The following CNKSR3 variants were observed in gnomAD, a reference collection of about 807,000 sequenced individuals.
The protein encoded by CNKSR3 is connector enhancer of kinase suppressor of ras 3.
In CNKSR3, 36 loss-of-function variants were observed where a neutral mutation model predicts 67.7. The ratio of observed to expected loss-of-function variants is 0.53; its 90% CI spans 0.41 to 0.70. CNKSR3 has a LOEUF of 0.70. Ranked by LOEUF, CNKSR3 falls within the 30% of genes least tolerant of loss-of-function variation. The pLI is 0.00. For missense variants in CNKSR3, 630 were observed against 695.2 expected, an observed-to-expected ratio of 0.91 and a Z score of 1.05; for synonymous variants, 281 against 271.4, an observed-to-expected ratio of 1.04 and a Z score of -0.35.
Position 154,440,656 on chromosome 6 carries a change from G to A in CNKSR3, c.507+636C>T, listed in dbSNP as rs187474991. Among the ~76,000 whole-genome samples the A allele has an allele frequency of 3.3e-5, 5 of 152,342 alleles. No individual in the cohort carries two copies. In the East Asian group the frequency reaches 7.7e-4, roughly 23 times the overall value. On this transcript the variant is annotated intron_variant, in intron 4 of 12. Coordinates refer to ENST00000607772, the MANE Select transcript of CNKSR3 (RefSeq NM_173515.4). ...CACTTGCAGTCCAGAACATCAGTCA[G>A]TGTGAGGACCTTCATGGTTTTTACC...
intron 1 of CNKSR3, among the ~76,000 whole-genome samples, chr6:154,469,566 G>T (rs961028298): frequency 6.6e-6 from 1 of 152,128 alleles, no homozygotes; most frequent in African/African-American, 2.4e-5. Flanking sequence ...CATTGGCAAC[G>T]CTAGACAACA....
chr6:154,406,854 C>T (rs758145561), intron 12 of CNKSR3, among the ~76,000 whole-genome samples: 76 of 151,882 alleles, frequency 5.0e-4, no homozygotes, highest in Admixed American at 1.5e-3. Context: ...GTAGTCCCAG[C>T]TACTCAGAGA....
At chr6:154,464,339 C>G (rs1220045356) in intron 1 of CNKSR3, among the ~76,000 whole-genome samples, 3 of 151,894 alleles carry the variant, frequency 2.0e-5, no homozygotes, top group Admixed American at 6.5e-5. Flanking sequence ...CTGAGGTTCT[C>G]AAAAGGAAAA....
At chr6:154,465,044 G>A (rs1210632425) in intron 1 of CNKSR3, among the ~76,000 whole-genome samples, 1 of 151,108 alleles carries the variant, frequency 6.6e-6, no homozygotes, top group African/African-American at 2.4e-5. Context: ...GGGAGGCTGA[G>A]GCAGGAAAAT....
chr6:154,406,617 G>A lies in CNKSR3; in HGVS notation c.1405C>T (p.Arg469Trp), dbSNP rs552525434. ...DALCRYFSNE[R>W]IPPIIEESSS... is the part of the protein sequence containing the mutation. ...CTCTCTTCAATGATCGGAGGAATCC[G>A]CTCGTTACTGAAATACCGGCAAAGG... The change falls in exon 13 of 13, where the codon CGG (arginine) becomes TGG (tryptophan). Residue 469 changes from arginine to tryptophan, a missense_variant. Arg to Trp is a moderately radical substitution (Grantham distance 101). This residue lies in a region of CNKSR3 where 308 missense variants were observed against 299.6 expected (regional missense o/e 1.03). Coordinates refer to ENST00000607772, the MANE Select transcript of CNKSR3 (RefSeq NM_173515.4). 1.2e-5 allele frequency: 19 copies of A among 1,613,724 alleles called. No homozygotes were observed. In the Admixed American group the frequency reaches 1.5e-4, roughly 13 times the overall value.
intron 1 of CNKSR3, among the ~76,000 whole-genome samples, chr6:154,494,926 T>C (rs935878289): frequency 6.6e-6 from 1 of 152,266 alleles, no homozygotes; most frequent in African/African-American, 2.4e-5. Context: ...AAGATGCATT[T>C]TGCATTGATC....
intron 1 of CNKSR3, among the ~76,000 whole-genome samples, chr6:154,509,222 C>T (rs751573344): frequency 9.2e-5 from 14 of 152,000 alleles, no homozygotes; most frequent in Non-Finnish European, 1.9e-4. Context: ...ACTCTAGTAC[C>T]TTTCCCTCGA....
At chr6:154,475,105 G>A (rs1786416103) in intron 1 of CNKSR3, among the ~76,000 whole-genome samples, 1 of 152,202 alleles carries the variant, frequency 6.6e-6, no homozygotes, top group African/African-American at 2.4e-5. Context: ...GGAAGCTGAT[G>A]GAGAGGGACT....
At position 154,397,874 on chromosome 6, in the gene CNKSR3, G is replaced by A. The variant is rs1303409423; in HGVS notation, c.*8480C>T. The A allele has an allele frequency of 6.6e-6, 1 of 152,294 alleles. No individual in the cohort carries two copies. The highest frequency in any genetic ancestry group is 1.5e-5 in the Non-Finnish European group (1 of 68,084). 9.4% of individuals were successfully genotyped at this position (152,294 alleles called of 1,614,324 possible). A position where few individuals can be genotyped will look rare whatever the true frequency, so the allele number is the denominator to read the frequency against. On this transcript the variant is annotated 3_prime_UTR_variant, in exon 13 of 13. Coordinates refer to ENST00000607772, the MANE Select transcript of CNKSR3 (RefSeq NM_173515.4). ...CGGCCATCACTAGGTGCACAGTGCA[G>A]TGGGGGTGTGTGAGATGCACAGGGC... is the stretch of plus-strand genomic sequence containing the variant.
chr6:154,490,585 G>A (rs747552834), intron 1 of CNKSR3, among the ~76,000 whole-genome samples: 28 of 152,280 alleles, frequency 1.8e-4, no homozygotes, highest in Admixed American at 5.2e-4. Flanking sequence ...GGAAGGCCAC[G>A]AAAAGATCTT....
In CNKSR3 at chr6:154,441,344, G is replaced by C; in HGVS notation, c.455C>G (p.Thr152Arg). 1.2e-6 allele frequency: 2 copies of C among 1,613,296 alleles called. No homozygotes were observed. Among genetic ancestry groups the C allele is most frequent in the South Asian group, 1.1e-5 (1 of 91,042 alleles). ...GCAAAGCTGGATAATTTTGTTCTTC[G>C]TGACTGAGAAATCAGTGATCCCTGT... Reference protein sequence around the residue: ...PFTGITDFSVTKNKIIQLCLD... With the variant: ...PFTGITDFSVRKNKIIQLCLD... The change falls in exon 4 of 13, where the codon ACG becomes AGG. Residue 152 changes from threonine to arginine, a missense_variant. Physicochemically the swap from Thr to Arg is moderately conservative, Grantham distance 71. This residue lies in a region of CNKSR3 where 189 missense variants were observed against 205.0 expected (regional missense o/e 0.92). Transcript: ENST00000607772.
intron 2 of CNKSR3, among the ~76,000 whole-genome samples, chr6:154,448,296 T>G (rs1348317910): frequency 6.6e-6 from 1 of 151,874 alleles, no homozygotes; most frequent in Non-Finnish European, 1.5e-5. Flanking sequence ...TCTCTTACTT[T>G]GGATTTCCAA....
At chr6:154,489,950 T>C (rs1057083440) in intron 1 of CNKSR3, among the ~76,000 whole-genome samples, 1 of 151,970 alleles carries the variant, frequency 6.6e-6, no homozygotes, top group African/African-American at 2.4e-5. Context: ...CCTCCAAACT[T>C]CCGCCGTCTG....
chr6:154,474,886 C>G (rs1786410412), intron 1 of CNKSR3, among the ~76,000 whole-genome samples: 2 of 152,208 alleles, frequency 1.3e-5, no homozygotes, highest in South Asian at 4.1e-4. Flanking sequence ...TGCCTGCTGA[C>G]TTGACAGTGG....
chr6:154,461,439 T>C (rs1786078219), intron 1 of CNKSR3, among the ~76,000 whole-genome samples: 1 of 152,248 alleles, frequency 6.6e-6, no homozygotes, highest in Admixed American at 6.5e-5. Flanking sequence ...ATTAAACAAT[T>C]GTAAAATAAG....
In CNKSR3 at chr6:154,456,953, C is replaced by T. The variant is rs79349981; in HGVS notation, c.53-6695G>A. ...CTTATTATTATCTGAACCAGAGGGA[C>T]GGAAACAGGATTTGGGGGGTACATT... On this transcript the variant is annotated intron_variant, in intron 1 of 12. Coordinates refer to ENST00000607772, the MANE Select transcript of CNKSR3 (RefSeq NM_173515.4). Among the ~76,000 whole-genome samples, 1,310 of 152,092 alleles carry T rather than the reference C, an allele frequency of 8.6e-3. 30 individuals carry two copies. Among genetic ancestry groups the T allele is most frequent in the African/African-American group, 0.03 (1,249 of 41,456 alleles).
At chr6:154,441,753 AAAC>A (rs1554233536) in intron 3 of CNKSR3, among the ~76,000 whole-genome samples, 45 of 151,634 alleles carry the variant, frequency 3.0e-4, no homozygotes, top group African/African-American at 1.0e-3. Context: ...AAACAAAACA[AAAC>A]AAAAATTGAC....
chr6:154,416,564 TATCA>T (rs929838569), intron 9 of CNKSR3, among the ~76,000 whole-genome samples: 28 of 152,322 alleles, frequency 1.8e-4, no homozygotes, highest in African/African-American at 6.3e-4. Context: ...ATTACTTCTA[TATCA>T]GTAACTCTCA....
At position 154,402,689 on chromosome 6, in the gene CNKSR3, A is replaced by G. The variant is rs1185165027; in HGVS notation, c.*3665T>C. 6.6e-6 allele frequency: 1 copy of G among 152,234 alleles called. No individual in the cohort carries two copies. The highest frequency in any genetic ancestry group is 2.4e-5 in the African/African-American group (1 of 41,470). The allele number at this position is 152,234 out of a possible 1,614,324, so 9.4% of individuals were successfully genotyped here. A position where few individuals can be genotyped will look rare whatever the true frequency, so the allele number is the denominator to read the frequency against. ...CAGCAAGCACTATATGAGTGAAGCCATTACAGACTAGGTATGCCTAGAACT... is the reference window on the plus strand; with the variant it reads ...CAGCAAGCACTATATGAGTGAAGCCGTTACAGACTAGGTATGCCTAGAACT... On this transcript the variant is annotated 3_prime_UTR_variant, in exon 13 of 13. Coordinates refer to ENST00000607772, the MANE Select transcript of CNKSR3 (RefSeq NM_173515.4).
Sources: gnomAD v4.1 joint callset for allele counts (sites outside exome capture counted in the v4.1 genomes callset) on GRCh38, gnomAD v4.1.1 for gene constraint, gnomAD v4.1.1 regional missense constraint, MANE v1.5 for transcripts, NCBI Gene and HGNC (gene_info 2026-07-23, HGNC 2026-07-21) for gene names.